NETO1: variants seen among roughly 807,000 people sequenced by gnomAD.
NETO1 encodes the protein neuropilin and tolloid-like protein 1.
NETO1 carries 26 observed loss-of-function variants against 61.3 expected under a neutral mutation model. That is an observed-to-expected ratio of 0.42 (90% CI 0.31 to 0.59). NETO1 has a LOEUF of 0.59. Among genes scored for constraint, NETO1 ranks in the 20% least tolerant of loss-of-function variants. The pLI, the probability that NETO1 is intolerant of heterozygous loss-of-function variation, is 0.12. For synonymous variants in NETO1, 225 were observed against 225.8 expected (o/e 1.00, Z 0.03); for missense variants, 531 against 662.8 (o/e 0.80, Z 2.18).
chr18:72,862,169 G>A (rs896722918), intron 3 of NETO1, among the ~76,000 whole-genome samples: 4 of 152,140 alleles, frequency 2.6e-5, no homozygotes, highest in African/African-American at 9.7e-5. Context: ...GGGGTGCCAC[G>A]GGCATTCCAA....
intron 4 of NETO1, 25 bp downstream of exon 4, chr18:72,858,801 A>ATTTTTTTT: frequency 6.6e-7 from 1 of 1,506,198 alleles, no homozygotes; most frequent in Admixed American, 2.1e-5. Context: ...AGAAAAAGAA[A>ATTTTTTTT]TTTTTTTTTT....
intron 4 of NETO1, among the ~76,000 whole-genome samples, chr18:72,799,728 CAT>C (rs769316732): frequency 5.3e-5 from 8 of 152,368 alleles, no homozygotes; most frequent in Non-Finnish European, 1.2e-4. Context: ...GCTGAACACA[CAT>C]GTCTTCTCTT....
At position 72,816,015 on chromosome 18, in the gene NETO1, C is replaced by T. The variant is rs544596586; in HGVS notation, c.470-21611G>A. 9.2e-5 allele frequency among the ~76,000 whole-genome samples: 14 copies of T among 152,058 alleles called. No homozygotes were observed. The South Asian group carries it at 2.9e-3, about 32-fold the overall frequency. On this transcript the variant is annotated intron_variant, in intron 4 of 10. Transcript: ENST00000327305. Reference sequence around the variant, plus strand: ...ATAGAGGTAAGGTACATATAGAGATCAACATAAGAAGAATTTTTAATCAGA... The same window carrying T: ...ATAGAGGTAAGGTACATATAGAGATTAACATAAGAAGAATTTTTAATCAGA...
chr18:72,852,833 C>CTTTTTTT (rs71166431), intron 4 of NETO1, among the ~76,000 whole-genome samples: 10 of 132,274 alleles, frequency 7.6e-5, no homozygotes, highest in East Asian at 2.2e-4. Flanking sequence ...TTTTCTTTTT[C>CTTTTTTT]TTTTTTTTTT....
At chr18:72,822,073 G>C (rs560082812) in intron 4 of NETO1, among the ~76,000 whole-genome samples, 3 of 152,186 alleles carry the variant, frequency 2.0e-5, no homozygotes, top group Non-Finnish European at 4.4e-5. Flanking sequence ...TGTCACAGTT[G>C]CCTGGGACTC....
At chr18:72,786,146 G>A (rs908532401) in intron 6 of NETO1, among the ~76,000 whole-genome samples, 2 of 152,026 alleles carry the variant, frequency 1.3e-5, no homozygotes, top group African/African-American at 2.4e-5. Context: ...TATTTATCAT[G>A]CACCTATATG....
chr18:72,834,871 A>G, intron 4 of NETO1: 1 of 910,654 alleles, frequency 1.1e-6, no homozygotes, highest in Non-Finnish European at 1.3e-6. Flanking sequence ...TTGTAATACA[A>G]GAATAAATTA....
chr18:72,779,249 GT>G (rs1400675039), intron 7 of NETO1, among the ~76,000 whole-genome samples: 2 of 151,240 alleles, frequency 1.3e-5, no homozygotes, highest in African/African-American at 4.9e-5. Flanking sequence ...TATTGGATGT[GT>G]ATAATTATAT....
intron 4 of NETO1, among the ~76,000 whole-genome samples, chr18:72,840,009 C>T (rs2073878607): frequency 6.6e-6 from 1 of 152,206 alleles, no homozygotes; most frequent in African/African-American, 2.4e-5. Context: ...TCAGTTGTTT[C>T]TGCCTCTCTG....
chr18:72,750,057 C>A lies in NETO1; in HGVS notation c.1541+5G>T. ...GTTGTCATCAAAAAATCTATTGATA[C>A]TGACCGCTGGACGGCTTTATCGTGT... is the stretch of plus-strand genomic sequence containing the variant. On this transcript the variant is annotated splice_donor_5th_base_variant and intron_variant, in intron 9 of 10. Transcript: ENST00000327305. The A allele has an allele frequency of 1.9e-6, 3 of 1,553,320 alleles. No homozygotes were observed. The highest frequency in any genetic ancestry group is 1.9e-5 in the Admixed American group (1 of 52,948).
intron 4 of NETO1, among the ~76,000 whole-genome samples, chr18:72,848,417 G>A (rs2074153013): frequency 6.6e-6 from 1 of 152,112 alleles, no homozygotes; most frequent in Admixed American, 6.5e-5. Context: ...GTATGAGTGA[G>A]GGTCTGGGCA....
At chr18:72,791,896 G>A (rs908588589) in intron 6 of NETO1, among the ~76,000 whole-genome samples, 4 of 152,132 alleles carry the variant, frequency 2.6e-5, no homozygotes, top group African/African-American at 7.2e-5. Context: ...TTTCATGTGA[G>A]CAACAGCTTT....
intron 4 of NETO1, chr18:72,835,259 G>A: frequency 6.5e-7 from 1 of 1,549,662 alleles, no homozygotes; most frequent in Non-Finnish European, 8.8e-7. Flanking sequence ...GAGATGAGAT[G>A]ATGGAGAAGG....
chr18:72,790,300 CATAAAT>C (rs1035296534), intron 6 of NETO1, among the ~76,000 whole-genome samples: 1 of 151,800 alleles, frequency 6.6e-6, no homozygotes, highest in Non-Finnish European at 1.5e-5. Flanking sequence ...CACCGTACCC[CATAAAT>C]ATAAACAAGT....
chr18:72,840,559 T>C (rs548642557), intron 4 of NETO1, among the ~76,000 whole-genome samples: 55 of 152,316 alleles, frequency 3.6e-4, no homozygotes, highest in African/African-American at 1.3e-3. Context: ...AGCCTGTTAG[T>C]AGCCTAGAGA....
chr18:72,766,453 G>A lies in NETO1; in HGVS notation c.869-10306C>T, dbSNP rs536760825. The stretch of plus-strand genomic sequence containing the variant: ...AATTAGAGGAAATGACATTTTATTT[G>A]AAAAATGGTGACCAGACTTGAGGCC... On this transcript the variant is annotated intron_variant, in intron 7 of 10. Transcript: ENST00000327305. Among the ~76,000 whole-genome samples the A allele has an allele frequency of 3.0e-3, 461 of 152,020 alleles. 1 individual carries two copies. The highest frequency in any genetic ancestry group is 0.01 in the Middle Eastern group (3 of 294).
chr18:72,820,971 T>C (rs896778348), intron 4 of NETO1, among the ~76,000 whole-genome samples: 1 of 152,026 alleles, frequency 6.6e-6, no homozygotes, highest in Non-Finnish European at 1.5e-5. Context: ...TAGATAGACT[T>C]ATAGGTGATA....
intron 7 of NETO1, among the ~76,000 whole-genome samples, chr18:72,780,494 A>G (rs1377397330): frequency 2.6e-5 from 4 of 152,182 alleles, no homozygotes; most frequent in Non-Finnish European, 5.9e-5. Flanking sequence ...ATAGAGCTTA[A>G]TCTATTTTCC....
At chr18:72,851,590 A>C (rs1027149908) in intron 4 of NETO1, among the ~76,000 whole-genome samples, 93 of 152,142 alleles carry the variant, frequency 6.1e-4, no homozygotes, top group African/African-American at 2.2e-3. Context: ...CAGGAAATGA[A>C]TCATGCACTT....
Sources: gnomAD v4.1 joint callset for allele counts (sites outside exome capture counted in the v4.1 genomes callset) on GRCh38, gnomAD v4.1.1 for gene constraint, MANE v1.5 for transcripts, NCBI Gene and HGNC (gene_info 2026-07-23, HGNC 2026-07-21) for gene names.